Variants in ESRRG observed in about 807,000 individuals in gnomAD.
The protein encoded by ESRRG is estrogen-related receptor gamma.
ESRRG carries 13 observed loss-of-function variants against 44.0 expected under a neutral mutation model. That is an observed-to-expected ratio of 0.30 (90% CI 0.19 to 0.47). The LOEUF (loss-of-function observed/expected upper bound fraction) is 0.47. Among genes scored for constraint, ESRRG ranks in the 20% least tolerant of loss-of-function variants. The pLI is 1.00. For missense variants in ESRRG, 395 were observed against 580.6 expected, an observed-to-expected ratio of 0.68 and a Z score of 3.29; for synonymous variants, 215 against 214.6, an observed-to-expected ratio of 1.00 and a Z score of -0.02.
At chr1:216,637,144 T>C (rs1009529683) in intron 3 of ESRRG, among the ~76,000 whole-genome samples, 1 of 152,100 alleles carries the variant, frequency 6.6e-6, no homozygotes, top group Non-Finnish European at 1.5e-5. Flanking sequence ...GGACAGCCTC[T>C]CGGGGACAGA....
chr1:217,059,353 C>A (rs926658193), intron 1 of ESRRG, among the ~76,000 whole-genome samples: 2 of 151,864 alleles, frequency 1.3e-5, no homozygotes. Context: ...CCAATTCTAC[C>A]CTTTACAAAT....
chr1:216,656,303 G>A (rs1000027747), intron 2 of ESRRG, among the ~76,000 whole-genome samples: 1 of 152,138 alleles, frequency 6.6e-6, no homozygotes, highest in Non-Finnish European at 1.5e-5. Context: ...TCCCAGTTTT[G>A]TCAATAGCTA....
chr1:216,955,676 T>C (rs1048639901), intron 1 of ESRRG, among the ~76,000 whole-genome samples: 3 of 152,180 alleles, frequency 2.0e-5, no homozygotes, highest in Non-Finnish European at 2.9e-5. Flanking sequence ...TGTATAAGAC[T>C]TCCCTTTTCT....
At chr1:217,120,387 G>A (rs2092803312) in intron 1 of ESRRG, among the ~76,000 whole-genome samples, 2 of 149,850 alleles carry the variant, frequency 1.3e-5, no homozygotes, top group Admixed American at 1.3e-4. Context: ...TCTCTTCCCT[G>A]AACTAACAAG....
chr1:216,688,181 C>G (rs1039521209), intron 1 of ESRRG, among the ~76,000 whole-genome samples: 2 of 152,142 alleles, frequency 1.3e-5, no homozygotes, highest in Non-Finnish European at 2.9e-5. Flanking sequence ...AGCAGGCGAG[C>G]CTGCTTTTCT....
intron 6 of ESRRG, 22 bp from the exon 7 acceptor site, chr1:216,507,205 A>G (rs1467783971): frequency 2.0e-6 from 3 of 1,516,284 alleles, no homozygotes; most frequent in Non-Finnish European, 2.7e-6. Context: ...AGCAAAAGAT[A>G]TGAGTAATTA....
At chr1:217,130,537 G>T (rs529233853) in intron 1 of ESRRG, among the ~76,000 whole-genome samples, 3 of 152,082 alleles carry the variant, frequency 2.0e-5, no homozygotes, top group African/African-American at 7.2e-5. Flanking sequence ...CACTGGTCCC[G>T]AAATGTCACC....
chr1:216,949,993 A>T (rs1295755811), intron 1 of ESRRG, among the ~76,000 whole-genome samples: 1 of 150,670 alleles, frequency 6.6e-6, no homozygotes, highest in South Asian at 2.1e-4. Context: ...TTGTATTTTT[A>T]GTTGAGAAGG....
chr1:216,745,736 C>A (rs772543135), intron 2 of ESRRG, among the ~76,000 whole-genome samples: 2 of 152,114 alleles, frequency 1.3e-5, no homozygotes, highest in African/African-American at 2.4e-5. Flanking sequence ...AGTTACTTAA[C>A]CTCTCTGTAT....
In ESRRG at chr1:216,778,236, G is replaced by A. The variant is rs114981714; in HGVS notation, c.-13-100745C>T. Among the ~76,000 whole-genome samples the A allele has an allele frequency of 2.3e-3, 355 of 152,074 alleles. 1 individual carries two copies. The highest frequency in any genetic ancestry group is 8.1e-3 in the African/African-American group (338 of 41,516). The stretch of plus-strand genomic sequence containing the variant: ...AAACGGCAGAGGGAGGAGTTTAAGT[G>A]CAATGCAGTGGATCCCGCCAGGAGC... On this transcript the variant is annotated intron_variant, in intron 2 of 7. Coordinates refer to the ESRRG transcript ENST00000359162.
At chr1:217,045,789 A>G (rs1227898566) in intron 1 of ESRRG, among the ~76,000 whole-genome samples, 1 of 152,028 alleles carries the variant, frequency 6.6e-6, no homozygotes, top group Non-Finnish European at 1.5e-5. Flanking sequence ...GTTAAAATCC[A>G]ACCCTGAAAG....
intron 1 of ESRRG, among the ~76,000 whole-genome samples, chr1:217,068,972 C>A (rs2090176942): frequency 6.6e-6 from 1 of 152,160 alleles, no homozygotes. Context: ...GGTCTAACTT[C>A]AGAGATTACA....
intron 2 of ESRRG, among the ~76,000 whole-genome samples, chr1:216,818,298 G>A (rs748514675): frequency 1.6e-4 from 24 of 152,194 alleles, no homozygotes; most frequent in Admixed American, 1.3e-4. Context: ...ACTGAGAAGA[G>A]CTAAGGTTGG....
At chr1:216,724,439 A>G (rs1020107510), upstream of ESRRG, among the ~76,000 whole-genome samples, 1 of 151,562 alleles carries the variant, frequency 6.6e-6, no homozygotes, top group African/African-American at 2.4e-5. Context: ...ATATATTTCA[A>G]TACAAGCTTC....
intron 1 of ESRRG, among the ~76,000 whole-genome samples, chr1:216,948,070 C>A (rs1407536077): frequency 6.6e-6 from 1 of 152,030 alleles, no homozygotes; most frequent in Non-Finnish European, 1.5e-5. Context: ...CAGGAATACC[C>A]ATTAGAAACT....
chr1:217,125,431 T>A (rs1475052041), intron 1 of ESRRG, among the ~76,000 whole-genome samples: 1 of 152,250 alleles, frequency 6.6e-6, no homozygotes, highest in African/African-American at 2.4e-5. Flanking sequence ...GTTTCACAAA[T>A]GTATTTGTCT....
chr1:216,649,591 A>G (rs1431738280), intron 3 of ESRRG, among the ~76,000 whole-genome samples: 2 of 151,986 alleles, frequency 1.3e-5, no homozygotes, highest in Non-Finnish European at 2.9e-5. Flanking sequence ...TCTTATATAT[A>G]TATTTACTTA....
At chr1:216,795,443 C>A (rs1442383923) in intron 2 of ESRRG, among the ~76,000 whole-genome samples, 2 of 147,838 alleles carry the variant, frequency 1.4e-5, no homozygotes, top group African/African-American at 5.0e-5. Flanking sequence ...TTGATTCAAG[C>A]GATTCTCCTG....
intron 2 of ESRRG, among the ~76,000 whole-genome samples, chr1:216,938,677 T>A (rs548657363): frequency 2.0e-5 from 3 of 152,282 alleles, no homozygotes; most frequent in Admixed American, 6.5e-5. Flanking sequence ...TTGAAAGGCA[T>A]CATTGGCAGT....
Sources: allele counts gnomAD v4.1 joint callset (sites outside exome capture counted in the v4.1 genomes callset), GRCh38; gene constraint gnomAD v4.1.1; transcripts MANE v1.5; gene names NCBI Gene and HGNC (gene_info 2026-07-23, HGNC 2026-07-21).